The following CENPL variants were observed in gnomAD, a reference collection of about 807,000 sequenced individuals.
The protein encoded by CENPL is interphase centromere complex protein 33.
Under a neutral mutation model 35.2 loss-of-function variants are expected in CENPL, and 20 were observed. That is an observed-to-expected ratio of 0.57 (90% CI 0.40 to 0.83). CENPL has a LOEUF of 0.83. Ranked by LOEUF, CENPL falls within the 40% of genes least tolerant of loss-of-function variation. The probability of loss-of-function intolerance (pLI) is 0.00; values close to 1 mark genes in which losing one functional copy is unlikely to be tolerated. For synonymous variants in CENPL, 140 were observed against 140.6 expected (o/e 1.00, Z 0.03); for missense variants, 363 against 395.8 (o/e 0.92, Z 0.70).
rs369035559 is a variant in CENPL at position 173,807,464 on chromosome 1, A to G, written c.223T>C (p.Tyr75His). 2.0e-5 allele frequency: 32 copies of G among 1,594,238 alleles called. No homozygotes were observed. The highest frequency in any genetic ancestry group is 1.3e-5 in the African/African-American group (1 of 74,576). The change falls in exon 4 of 6, where the codon TAT (tyrosine) becomes CAT (histidine). Residue 75 changes from tyrosine to histidine, a missense_variant. Coordinates refer to ENST00000682279, the MANE Select transcript of CENPL (RefSeq NM_001387287.1). ...AFLLHKQWTLYSLTPLYKFSY... is the reference protein window; with the variant it reads ...AFLLHKQWTLHSLTPLYKFSY... ...AATTTATATAAGGGAGTTAAACTAT[A>G]TAAAGTCCACTGTTTATGCAGAAGG...
chr1:173,803,060 G>A lies in CENPL; in HGVS notation c.866C>T (p.Ser289Leu), dbSNP rs191005165. ...EVDLFMDCLY[S>L]HFHRHFKIHL... ...AATTTTGAAATGTCTATGGAAATGT[G>A]AATAAAGGCAATCCATGAATAGGTC... The change falls in exon 5 of 6, where the codon TCA becomes TTA. Residue 289 changes from serine to leucine, a missense_variant. Ser to Leu is a moderately radical substitution (Grantham distance 145, BLOSUM62 -2). Transcript: ENST00000682279. 4 of 1,613,642 alleles carry A rather than the reference G, an allele frequency of 2.5e-6. No individual in the cohort carries two copies. The highest frequency in any genetic ancestry group is 3.4e-6 in the Non-Finnish European group (4 of 1,179,522).
chr1:173,816,463 A>C (rs2102602773), intron 2 of CENPL, among the ~76,000 whole-genome samples: 1 of 152,344 alleles, frequency 6.6e-6, no homozygotes, highest in African/African-American at 2.4e-5. Context: ...CCAAAACAGC[A>C]TGGTACTGGT....
Position 173,817,963 on chromosome 1 carries a change from T to G in CENPL, c.-8+5963A>C, listed in dbSNP as rs555520204. Among the ~76,000 whole-genome samples the G allele has an allele frequency of 2.1e-4, 32 of 152,058 alleles. No homozygotes were observed. The South Asian group carries it at 6.5e-3, about 31-fold the overall frequency. ...GGTGGGAATTGATCAATGAGAACAA[T>G]TGGACACAGGGCGGGGAATATCACA... is the stretch of plus-strand genomic sequence containing the variant. On this transcript the variant is annotated intron_variant, in intron 2 of 5. Transcript: ENST00000682279.
At position 173,803,285 on chromosome 1, in the gene CENPL, T is replaced by C. The variant is rs1280704912; in HGVS notation, c.641A>G (p.Asn214Ser). The C allele has an allele frequency of 2.5e-6, 4 of 1,613,404 alleles. No homozygotes were observed. The African/African-American group carries it at 4.0e-5, about 16-fold the overall frequency. ...AGCCATCCAGGAAAGATTAAATGCATTGATTGCTAAAGGACTGAAATAACA... is the reference window on the plus strand; with the variant it reads ...AGCCATCCAGGAAAGATTAAATGCACTGATTGCTAAAGGACTGAAATAACA... Reference protein sequence around the residue: ...FDCYFSPLAINAFNLSWMAAM... With the variant: ...FDCYFSPLAISAFNLSWMAAM... The change falls in exon 5 of 6, where the codon AAT (asparagine) becomes AGT (serine). Residue 214 changes from asparagine (N) to serine (S), a missense_variant. Asn to Ser is a conservative substitution (Grantham distance 46). Coordinates refer to ENST00000682279, the MANE Select transcript of CENPL (RefSeq NM_001387287.1).
chr1:173,800,454 A>G lies in CENPL; in HGVS notation c.1029T>C (p.Ile343=). 7.4e-7 allele frequency: 1 copy of G among 1,350,784 alleles called. No individual in the cohort carries two copies. The highest frequency in any genetic ancestry group is 1.2e-5 in the South Asian group (1 of 84,810). 83.7% of individuals were successfully genotyped at this position (1,350,784 alleles called of 1,614,324 possible). Residue 343 remains isoleucine (I), a synonymous_variant, in exon 6 of 6, where the codon ATT becomes ATC. Coordinates refer to ENST00000682279, the MANE Select transcript of CENPL (RefSeq NM_001387287.1). ...TTATAGTCCACATAAGGCTTCACTC[A>G]ATTTGAAAAATTGCCAGTTCTGTCA... ...AYLTELAIFQ[I]E
At chr1:173,804,892 C>T (rs1650067146) in intron 4 of CENPL, among the ~76,000 whole-genome samples, 1 of 152,144 alleles carries the variant, frequency 6.6e-6, no homozygotes, top group Non-Finnish European at 1.5e-5. Flanking sequence ...GTATCATACC[C>T]CTTCAGAAAT....
chr1:173,816,604 A>G (rs1651402572), intron 2 of CENPL, among the ~76,000 whole-genome samples: 1 of 152,232 alleles, frequency 6.6e-6, no homozygotes, highest in African/African-American at 2.4e-5. Flanking sequence ...TATTTAATAA[A>G]TGGTGCTGGG....
At chr1:173,822,600 C>CT (rs1652060972) in intron 2 of CENPL, 1 of 152,166 alleles carries the variant, frequency 6.6e-6, no homozygotes, top group Non-Finnish European at 1.5e-5. Flanking sequence ...CTACTGTACT[C>CT]TGTTTTGCTC....
intron 3 of CENPL, among the ~76,000 whole-genome samples, chr1:173,809,051 A>T (rs1360814841): frequency 6.6e-6 from 1 of 152,102 alleles, no homozygotes; most frequent in African/African-American, 2.4e-5. Context: ...AAGAAAAAAA[A>T]TGGGCCAGGT....
At chr1:173,820,721 T>G (rs1651864798) in intron 2 of CENPL, among the ~76,000 whole-genome samples, 1 of 152,156 alleles carries the variant, frequency 6.6e-6, no homozygotes, top group Non-Finnish European at 1.5e-5. Flanking sequence ...CACCATGTAA[T>G]AGTACTCAGC....
chr1:173,806,216 G>C (rs978368868), intron 4 of CENPL, among the ~76,000 whole-genome samples: 3 of 152,198 alleles, frequency 2.0e-5, no homozygotes, highest in Non-Finnish European at 4.4e-5. Context: ...AACTGCTTGA[G>C]AACTTAATTT....
chr1:173,821,705 C>T (rs969833720), intron 2 of CENPL: 1 of 151,420 alleles, frequency 6.6e-6, no homozygotes, highest in Non-Finnish European at 1.5e-5. Flanking sequence ...TACCTTGGCT[C>T]AATATATTAC....
rs941664281 is a variant in CENPL, at chr1:173,807,534, A to G, written c.169-16T>C. On this transcript the variant is annotated splice_polypyrimidine_tract_variant and intron_variant, in intron 3 of 5. Coordinates refer to ENST00000682279, the MANE Select transcript of CENPL (RefSeq NM_001387287.1). ...CAACATCTTCCTATAAAAAAAAATC[A>G]AGACAAAAGAAGTTTAAGAATTAGG... The G allele has an allele frequency of 1.4e-6, 2 of 1,478,442 alleles. No individual in the cohort carries two copies. Among genetic ancestry groups the G allele is most frequent in the Non-Finnish European group, 1.8e-6 (2 of 1,106,304 alleles). 91.6% of individuals were successfully genotyped at this position (1,478,442 alleles called of 1,614,324 possible).
chr1:173,811,163 C>A lies in CENPL; in HGVS notation c.137G>T (p.Arg46Leu). Residue 46 changes from arginine to leucine, a missense_variant, in exon 3 of 6, where the codon CGA becomes CTA. Coordinates refer to ENST00000682279, the MANE Select transcript of CENPL (RefSeq NM_001387287.1). ...KQSSFILTPP[R>L]RKIPQCSQLQ... The stretch of plus-strand genomic sequence containing the variant: ...CTGCGAACACTGGGGAATTTTCCTT[C>A]GAGGTGGAGTCAGGATAAATGAACT... The A allele has an allele frequency of 6.2e-7, 1 of 1,613,184 alleles. No individual in the cohort carries two copies.
chr1:173,815,199 C>T (rs561004176), intron 2 of CENPL, among the ~76,000 whole-genome samples: 1 of 152,138 alleles, frequency 6.6e-6, no homozygotes, highest in Non-Finnish European at 1.5e-5. Flanking sequence ...AATTAATAGC[C>T]TACCAACCAA....
At chr1:173,823,709 T>C (rs1414948503) in intron 2 of CENPL, 1 of 152,202 alleles carries the variant, frequency 6.6e-6, no homozygotes, top group Non-Finnish European at 1.5e-5. Context: ...GCTTTGTTGT[T>C]TCTCTTGTGA....
chr1:173,817,022 C>A (rs1357563115), intron 2 of CENPL, among the ~76,000 whole-genome samples: 3 of 152,108 alleles, frequency 2.0e-5, no homozygotes, highest in African/African-American at 4.8e-5. Context: ...CCTATACTCT[C>A]AGCCACTTGG....
chr1:173,817,218 ATCT>A (rs1175946791), intron 2 of CENPL, among the ~76,000 whole-genome samples: 1 of 152,228 alleles, frequency 6.6e-6, no homozygotes, highest in African/African-American at 2.4e-5. Context: ...TGAACAGGCA[ATCT>A]ACAGAATGGG....
rs762795112 is a variant in CENPL, at chr1:173,803,237, A to G, written c.689T>C (p.Met230Thr). ...WMAAMWTACK[M>T]DHYVATTEFL... ...TTCAGTAGTAGCCACATAATGGTCC[A>G]TTTTGCATGCAGTCCACATGGCAGC... Residue 230 changes from methionine to threonine, a missense_variant, in exon 5 of 6, where the codon ATG becomes ACG. Met to Thr is a moderately conservative substitution (Grantham distance 81). Transcript: ENST00000682279. 6.2e-7 allele frequency: 1 copy of G among 1,614,094 alleles called. No homozygotes were observed. The highest frequency in any genetic ancestry group is 8.5e-7 in the Non-Finnish European group (1 of 1,179,920).
Sources: gnomAD v4.1 joint callset for allele counts (sites outside exome capture counted in the v4.1 genomes callset) on GRCh38, gnomAD v4.1.1 for gene constraint, MANE v1.5 for transcripts, NCBI Gene and HGNC (gene_info 2026-07-23, HGNC 2026-07-21) for gene names.